Variants in YPEL4 observed in about 807,000 individuals in gnomAD.
YPEL4 encodes yippee like 4.
In YPEL4, 5 loss-of-function variants were observed where a neutral mutation model predicts 16.3. The ratio of observed to expected loss-of-function variants is 0.31; its 90% CI spans 0.16 to 0.64. The LOEUF is 0.64. YPEL4 is among the 30% of genes least tolerant of loss of function. The pLI is 0.79. For synonymous variants in YPEL4, 61 were observed against 60.7 expected (o/e 1.00, Z -0.02); for missense variants, 127 against 170.0 (o/e 0.75, Z 1.41).
In YPEL4 at chr11:57,647,076, G is replaced by T; in HGVS notation, c.32C>A (p.Ala11Asp). 6.3e-7 allele frequency: 1 copy of T among 1,592,124 alleles called. No homozygotes were observed. The highest frequency in any genetic ancestry group is 8.5e-7 in the Non-Finnish European group (1 of 1,171,190). ...GCGGAAAGTCTTGGTGGGGAGGCAGGCAGGGCCCGGACCGGGGTCACAGCT... is the reference window on the plus strand; with the variant it reads ...GCGGAAAGTCTTGGTGGGGAGGCAGTCAGGGCCCGGACCGGGGTCACAGCT... MPSCDPGPGP[A>D]CLPTKTFRSY... The change falls in exon 2 of 5, where the codon GCC (alanine) becomes GAC (aspartate). Residue 11 changes from alanine (A) to aspartate (D), a missense_variant. Physicochemically the swap from Ala to Asp is moderately radical, Grantham distance 126. Coordinates refer to ENST00000300022, the MANE Select transcript of YPEL4 (RefSeq NM_145008.3). This position sits in a 1 kb window ranked among gnomAD's most constrained non-coding sequence, Gnocchi z 4.2.
At chr11:57,646,161 C>T in intron 4 of YPEL4, 91 bp from the exon 5 acceptor site, 1 of 1,568,476 alleles carries the variant, frequency 6.4e-7, no homozygotes, top group South Asian at 1.1e-5. Flanking sequence ...AAGGGTCATC[C>T]ACCTAGCCCA....
intron 3 of YPEL4, 38 bp from the exon 4 acceptor site, chr11:57,646,443 G>T: frequency 6.2e-7 from 1 of 1,610,626 alleles, no homozygotes. Context: ...CACCCAGTGG[G>T]GTTGCACTGT....
rs780232043 is a variant in YPEL4, at chr11:57,647,065, T to A, written c.43A>T (p.Thr15Ser). 9 of 1,595,654 alleles carry A rather than the reference T, an allele frequency of 5.6e-6. No individual in the cohort carries two copies. ...DPGPGPACLPTKTFRSYLPRC... is the reference protein window; with the variant it reads ...DPGPGPACLPSKTFRSYLPRC... ...GGCAGATAGCTGCGGAAAGTCTTGG[T>A]GGGGAGGCAGGCAGGGCCCGGACCG... Residue 15 changes from threonine (T) to serine (S), a missense_variant, in exon 2 of 5, where the codon ACC becomes TCC. Thr to Ser is a moderately conservative substitution (Grantham distance 58, BLOSUM62 1). Coordinates refer to ENST00000300022, the MANE Select transcript of YPEL4 (RefSeq NM_145008.3). The surrounding 1 kb of genome is among the most constrained non-coding windows in gnomAD (Gnocchi z 4.2).
chr11:57,646,858 G>C, intron 2 of YPEL4, 64 bp from the exon 3 acceptor site: 2 of 1,605,252 alleles, frequency 1.2e-6, no homozygotes, highest in South Asian at 1.1e-5. Context: ...CTGAATCCCC[G>C]CAGGGGTGTG....
At position 57,647,349 on chromosome 11, in the gene YPEL4, G is replaced by A; in HGVS notation, c.-184-58C>T. On this transcript the variant is annotated intron_variant, in intron 1 of 4. Coordinates refer to ENST00000300022, the MANE Select transcript of YPEL4 (RefSeq NM_145008.3). The surrounding 1 kb of genome is among the most constrained non-coding windows in gnomAD (Gnocchi z 4.2). ...GCGACCTCAGGAGGACCCCTCCTGA[G>A]GGAATGGAGGAAAAGGGAATCAGCT... 1 of 455,016 alleles carries A rather than the reference G, an allele frequency of 2.2e-6. No individual in the cohort carries two copies. The highest frequency in any genetic ancestry group is 3.6e-5 in the East Asian group (1 of 27,530). The allele number at this position is 455,016 out of a possible 1,614,324, so 28.2% of individuals were successfully genotyped here.
At position 57,646,344 on chromosome 11, in the gene YPEL4, C is replaced by A; in HGVS notation, c.247G>T (p.Ala83Ser). 1 of 1,614,146 alleles carries A rather than the reference C, an allele frequency of 6.2e-7. No homozygotes were observed. The highest frequency in any genetic ancestry group is 8.5e-7 in the Non-Finnish European group (1 of 1,180,034). The change falls in exon 4 of 5, where the codon GCT becomes TCT. Residue 83 changes from alanine (A) to serine (S), a missense_variant. Coordinates refer to ENST00000300022, the MANE Select transcript of YPEL4 (RefSeq NM_145008.3). ...TTGCAGCTCTCACAGAAAATGTCAGCTACCGAGTGGAGCCCCGTGAGCAAG... is the reference window on the plus strand; with the variant it reads ...TTGCAGCTCTCACAGAAAATGTCAGATACCGAGTGGAGCCCCGTGAGCAAG... ...RLLLTGLHSV[A>S]DIFCESCKTT... is the part of the protein sequence containing the mutation.
Position 57,649,728 on chromosome 11 carries a change from C to A in YPEL4, c.-228G>T, listed in dbSNP as rs991865858. Reference sequence around the variant, plus strand: ...GATCTCCGTCTATCTCTCTCTCTCTCTCTCAATCTCTCAATCTCTCTGCTC... The same window carrying A: ...GATCTCCGTCTATCTCTCTCTCTCTATCTCAATCTCTCAATCTCTCTGCTC... On this transcript the variant is annotated 5_prime_UTR_variant, in exon 1 of 5. Transcript: ENST00000300022. 1 of 149,330 alleles carries A rather than the reference C, an allele frequency of 6.7e-6. No homozygotes were observed. Among genetic ancestry groups the A allele is most frequent in the East Asian group, 2.0e-4 (1 of 5,018 alleles). 9.3% of individuals were successfully genotyped at this position (149,330 alleles called of 1,614,324 possible).
Position 57,647,338 on chromosome 11 carries a change from A to G in YPEL4, c.-184-47T>C, listed in dbSNP as rs1351217676. ...TCAGGGGAGCTGCGACCTCAGGAGG[A>G]CCCCTCCTGAGGGAATGGAGGAAAA... On this transcript the variant is annotated intron_variant, in intron 1 of 4. Transcript: ENST00000300022. The surrounding 1 kb of genome is among the most constrained non-coding windows in gnomAD (Gnocchi z 4.2). 3 of 485,800 alleles carry G rather than the reference A, an allele frequency of 6.2e-6. No homozygotes were observed. Among genetic ancestry groups the G allele is most frequent in the South Asian group, 4.1e-5 (1 of 24,570 alleles). The allele number at this position is 485,800 out of a possible 1,614,324, so 30.1% of individuals were successfully genotyped here.
At chr11:57,646,655 A>G in intron 3 of YPEL4, 96 bp downstream of exon 3, 1 of 1,544,888 alleles carries the variant, frequency 6.5e-7, no homozygotes. Flanking sequence ...CTGAAGGCAC[A>G]AGATCACCTG....
At chr11:57,646,187 C>A (rs1370710831) in intron 4 of YPEL4, 110 bp downstream of exon 4, 1 of 1,523,254 alleles carries the variant, frequency 6.6e-7, no homozygotes, top group African/African-American at 1.4e-5. Context: ...GTGACTAGTT[C>A]TTTCTTTCCT....
Position 57,646,735 on chromosome 11 carries a change from A to G in YPEL4, c.185+16T>C, listed in dbSNP as rs1439874299. On this transcript the variant is annotated intron_variant, in intron 3 of 4. Transcript: ENST00000300022. Reference sequence around the variant, plus strand: ...CACAAGCACAAGCACACGCACAAGGAAAGAGGTAGACTCACACGGAGTTAA... The same window carrying G: ...CACAAGCACAAGCACACGCACAAGGGAAGAGGTAGACTCACACGGAGTTAA... The G allele has an allele frequency of 1.2e-6, 2 of 1,613,566 alleles. No individual in the cohort carries two copies. The highest frequency in any genetic ancestry group is 2.7e-5 in the African/African-American group (2 of 74,922).
At position 57,646,184 on chromosome 11, in the gene YPEL4, GT is replaced by G. The variant is rs1325682636; in HGVS notation, c.294+112del. The G allele has an allele frequency of 2.6e-6, 4 of 1,564,450 alleles. No homozygotes were observed. The African/African-American group carries it at 4.1e-5, about 16-fold the overall frequency. On this transcript the variant is annotated intron_variant, in intron 4 of 4. Transcript: ENST00000300022. ...TCCACCTAGCCCAACCCAGTGACTAGTTCTTTCTTTCCTCTTTGGACCATGC... is the reference window on the plus strand; with the variant it reads ...TCCACCTAGCCCAACCCAGTGACTAGTCTTTCTTTCCTCTTTGGACCATGC...
In YPEL4 at chr11:57,645,824, G is replaced by C; in HGVS notation, c.*157C>G. On this transcript the variant is annotated 3_prime_UTR_variant, in exon 5 of 5. Transcript: ENST00000300022. ...GGTACCCCCAGACCCCTGTTCTAAA[G>C]GGTGCCTGGTAGTGGATATGGTGGA... is the stretch of plus-strand genomic sequence containing the variant. 1 of 684,204 alleles carries C rather than the reference G, an allele frequency of 1.5e-6. No homozygotes were observed. Among genetic ancestry groups the C allele is most frequent in the Non-Finnish European group, 2.4e-6 (1 of 409,388 alleles). The allele number at this position is 684,204 out of a possible 1,614,324, so 42.4% of individuals were successfully genotyped here.
At position 57,645,785 on chromosome 11, in the gene YPEL4, C is replaced by T. The variant is rs1158011335; in HGVS notation, c.*196G>A. Reference sequence around the variant, plus strand: ...CCCTGACTGCTGCCCACTCCTGAGCCTTAACACCCCTGGGGTACCCCCAGA... The same window carrying T: ...CCCTGACTGCTGCCCACTCCTGAGCTTTAACACCCCTGGGGTACCCCCAGA... On this transcript the variant is annotated 3_prime_UTR_variant, in exon 5 of 5. Coordinates refer to ENST00000300022, the MANE Select transcript of YPEL4 (RefSeq NM_145008.3). 2 of 597,512 alleles carry T rather than the reference C, an allele frequency of 3.3e-6. No individual in the cohort carries two copies. The highest frequency in any genetic ancestry group is 3.0e-5 in the Admixed American group (1 of 32,926). The allele number at this position is 597,512 out of a possible 1,614,324, so 37.0% of individuals were successfully genotyped here.
chr11:57,646,183 AG>A, intron 4 of YPEL4, 113 bp from the exon 5 acceptor site: 1 of 1,552,786 alleles, frequency 6.4e-7, no homozygotes, highest in South Asian at 1.1e-5. Context: ...CCCAGTGACT[AG>A]TTCTTTCTTT....
chr11:57,646,395 C>T lies in YPEL4; in HGVS notation c.196G>A (p.Gly66Ser), dbSNP rs774747011. Residue 66 changes from glycine to serine, a missense_variant, in exon 4 of 5, where the codon GGT (glycine) becomes AGT (serine). Gly to Ser is a moderately conservative substitution (Grantham distance 56, BLOSUM62 0). Transcript: ENST00000300022. ...AGGCGCTGTTCAGCTGGCCCGCAAC[C>T]CACGTTGACCCTGTCTCAGGAAACA... ...AYLFNSVVNVGCGPAEQRLLL... is the reference protein window; with the variant it reads ...AYLFNSVVNVSCGPAEQRLLL... 7.4e-6 allele frequency: 12 copies of T among 1,614,166 alleles called. No homozygotes were observed. The highest frequency in any genetic ancestry group is 1.0e-5 in the Non-Finnish European group (12 of 1,180,048).
chr11:57,647,226 A>G lies in YPEL4; in HGVS notation c.-119T>C, dbSNP rs972752702. 1.4e-6 allele frequency: 2 copies of G among 1,382,494 alleles called. No homozygotes were observed. The highest frequency in any genetic ancestry group is 2.9e-5 in the African/African-American group (2 of 68,040). The allele number at this position is 1,382,494 out of a possible 1,614,324, so 85.6% of individuals were successfully genotyped here. ...GGCTAGAGCCGTGTTTCAGGGCAGG[A>G]GAAGTGTTGGGGGGCTGCCCGGCCA... On this transcript the variant is annotated 5_prime_UTR_variant, in exon 2 of 5. Transcript: ENST00000300022. This position sits in a 1 kb window ranked among gnomAD's most constrained non-coding sequence, Gnocchi z 4.2.
At position 57,646,952 on chromosome 11, in the gene YPEL4, C is replaced by T; in HGVS notation, c.141+15G>A. ...GCGCGAGAGGAGGGGAATGGCAGGT[C>T]CCCGCTTCGCGTACCTTGGAAATAA... On this transcript the variant is annotated intron_variant, in intron 2 of 4. Transcript: ENST00000300022. The T allele has an allele frequency of 1.3e-6, 2 of 1,565,256 alleles. No homozygotes were observed. The highest frequency in any genetic ancestry group is 1.4e-5 in the African/African-American group (1 of 74,026).
At position 57,646,956 on chromosome 11, in the gene YPEL4, G is replaced by T. The variant is rs199739908; in HGVS notation, c.141+11C>A. The T allele has an allele frequency of 1.3e-6, 2 of 1,566,702 alleles. No individual in the cohort carries two copies. The highest frequency in any genetic ancestry group is 2.3e-5 in the East Asian group (1 of 43,160). ...GAGAGGAGGGGAATGGCAGGTCCCC[G>T]CTTCGCGTACCTTGGAAATAAGCTC... On this transcript the variant is annotated intron_variant, in intron 2 of 4. Coordinates refer to ENST00000300022, the MANE Select transcript of YPEL4 (RefSeq NM_145008.3).
Sources: gnomAD v4.1 joint callset for allele counts on GRCh38, gnomAD v4.1.1 for gene constraint, Gnocchi (gnomAD v3.1) non-coding constraint, MANE v1.5 for transcripts, NCBI Gene and HGNC (gene_info 2026-07-23, HGNC 2026-07-21) for gene names.